The following SYNJ2 variants were observed in gnomAD, a reference collection of about 807,000 sequenced individuals.
The protein encoded by SYNJ2 is polyphosphatidylinositol phosphatase SYNJ2.
In SYNJ2, 116 loss-of-function variants were observed where a neutral mutation model predicts 141.3. The observed-to-expected ratio is 0.82, with a 90% CI of 0.71 to 0.96. The LOEUF (loss-of-function observed/expected upper bound fraction) is 0.96. Ranked by LOEUF, SYNJ2 falls within the 40% of genes least tolerant of loss-of-function variation. The probability of loss-of-function intolerance (pLI) is 0.00; values close to 1 mark genes in which losing one functional copy is unlikely to be tolerated. For missense variants in SYNJ2, 1,873 were observed against 1,934.8 expected, an observed-to-expected ratio of 0.97 and a Z score of 0.60; for synonymous variants, 745 against 777.7, an observed-to-expected ratio of 0.96 and a Z score of 0.70.
chr6:158,015,581 T>C (rs1440367986), intron 1 of SYNJ2, among the ~76,000 whole-genome samples: 2 of 152,342 alleles, frequency 1.3e-5, no homozygotes, highest in East Asian at 1.9e-4. Flanking sequence ...CTGTCACCAA[T>C]GTGGGTTAGC....
chr6:158,024,358 C>T (rs1419320251), intron 2 of SYNJ2, among the ~76,000 whole-genome samples: 1 of 152,154 alleles, frequency 6.6e-6, no homozygotes, highest in East Asian at 1.9e-4. Flanking sequence ...AAAGTTGAAC[C>T]CGGGAGACAG....
At position 158,069,683 on chromosome 6, in the gene SYNJ2, T is replaced by C; in HGVS notation, c.1940+10T>C. The C allele has an allele frequency of 6.2e-7, 1 of 1,605,582 alleles. No individual in the cohort carries two copies. The highest frequency in any genetic ancestry group is 1.7e-5 in the Admixed American group (1 of 59,516). On this transcript the variant is annotated intron_variant, in intron 14 of 26. Transcript: ENST00000355585. The stretch of plus-strand genomic sequence containing the variant: ...ATGTCCCGTTCATCAGGTAAGAACA[T>C]TCTGTTTACACACATCTGGGGAACA...
At chr6:158,006,079 G>T (rs1302077518) in intron 1 of SYNJ2, among the ~76,000 whole-genome samples, 1 of 152,100 alleles carries the variant, frequency 6.6e-6, no homozygotes, top group African/African-American at 2.4e-5. Flanking sequence ...CTCTCTCCTG[G>T]CTCATTTCTG....
intron 3 of SYNJ2, among the ~76,000 whole-genome samples, chr6:158,033,106 G>C (rs1168076070): frequency 6.6e-6 from 1 of 152,184 alleles, no homozygotes; most frequent in African/African-American, 2.4e-5. Flanking sequence ...GGCCCACAGG[G>C]CTAACCAGAG....
At chr6:158,090,288 G>A (rs1450264133) in intron 25 of SYNJ2, among the ~76,000 whole-genome samples, 2 of 152,286 alleles carry the variant, frequency 1.3e-5, no homozygotes, top group African/African-American at 4.8e-5. Context: ...CAGTTATAGT[G>A]TTTGTCCTAA....
rs1056965825 is a variant in SYNJ2, at chr6:158,093,761, T to C, written c.3744+657T>C. On this transcript the variant is annotated intron_variant, in intron 26 of 26. Transcript: ENST00000355585. The stretch of plus-strand genomic sequence containing the variant: ...CCGCCCATTTGCGTGTGGTCTGTGT[T>C]GTGTGCACATGGTTTCAAGGCATTA... 3 of 668,628 alleles carry C rather than the reference T, an allele frequency of 4.5e-6. No homozygotes were observed. The African/African-American group carries it at 5.3e-5, about 12-fold the overall frequency. 41.4% of individuals were successfully genotyped at this position (668,628 alleles called of 1,614,324 possible). A position where few individuals can be genotyped will look rare whatever the true frequency, so the allele number is the denominator to read the frequency against.
At chr6:158,014,892 G>A (rs1778392485) in intron 1 of SYNJ2, among the ~76,000 whole-genome samples, 1 of 152,206 alleles carries the variant, frequency 6.6e-6, no homozygotes, top group South Asian at 2.1e-4. Flanking sequence ...TCAGAGGGGA[G>A]GATGGGACTG....
chr6:158,073,281 T>A (rs1199815740), intron 15 of SYNJ2, among the ~76,000 whole-genome samples: 1 of 152,072 alleles, frequency 6.6e-6, no homozygotes, highest in African/African-American at 2.4e-5. Context: ...CACTGCAAAC[T>A]CCACCTCCCA....
chr6:157,986,783 T>A (rs1462784040), intron 1 of SYNJ2, among the ~76,000 whole-genome samples: 1 of 152,254 alleles, frequency 6.6e-6, no homozygotes, highest in African/African-American at 2.4e-5. Context: ...ATGAATCCCC[T>A]GTCTACCTGC....
rs1341218182 is a variant in SYNJ2, at chr6:158,071,886, C to T, written c.2133+92C>T. ...AGGAGCCAGGCACTGGGGACACAACCACAGGGAGGGCCCCTTCCTGGAGGG... is the reference window on the plus strand; with the variant it reads ...AGGAGCCAGGCACTGGGGACACAACTACAGGGAGGGCCCCTTCCTGGAGGG... On this transcript the variant is annotated intron_variant, in intron 15 of 26. Coordinates refer to ENST00000355585, the MANE Select transcript of SYNJ2 (RefSeq NM_003898.4). This position sits in a 1 kb window ranked among gnomAD's most constrained non-coding sequence, Gnocchi z 4.3. The T allele has an allele frequency of 2.8e-6, 4 of 1,425,260 alleles. No individual in the cohort carries two copies. Among genetic ancestry groups the T allele is most frequent in the African/African-American group, 2.8e-5 (2 of 70,570 alleles). 88.3% of individuals were successfully genotyped at this position (1,425,260 alleles called of 1,614,324 possible).
intron 3 of SYNJ2, among the ~76,000 whole-genome samples, chr6:158,033,013 T>A (rs1779448406): frequency 6.6e-6 from 1 of 152,270 alleles, no homozygotes; most frequent in Non-Finnish European, 1.5e-5. Flanking sequence ...TTAATATGAT[T>A]TTTAATCACT....
chr6:157,992,311 T>C (rs1360383494), intron 1 of SYNJ2, among the ~76,000 whole-genome samples: 3 of 152,036 alleles, frequency 2.0e-5, no homozygotes, highest in Non-Finnish European at 4.4e-5. Flanking sequence ...CATCCTTCTA[T>C]TCTCTATGTC....
At chr6:158,087,029 A>G in intron 23 of SYNJ2, 40 bp downstream of exon 23, 1 of 1,545,204 alleles carries the variant, frequency 6.5e-7, no homozygotes, top group Non-Finnish European at 8.7e-7. Context: ...GATGCCTGCC[A>G]GGAATAACCG....
intron 4 of SYNJ2, among the ~76,000 whole-genome samples, chr6:158,041,954 C>T (rs551461989): frequency 1.3e-5 from 2 of 152,362 alleles, no homozygotes; most frequent in African/African-American, 4.8e-5. Flanking sequence ...GGCTCAAGCC[C>T]GCCTCCCACC....
intron 1 of SYNJ2, among the ~76,000 whole-genome samples, chr6:158,013,707 G>A (rs1041465879): frequency 1.3e-5 from 2 of 152,186 alleles, no homozygotes; most frequent in Non-Finnish European, 2.9e-5. Context: ...TACCCGATGA[G>A]CCTTTTCCCA....
intron 4 of SYNJ2, among the ~76,000 whole-genome samples, chr6:158,034,901 C>G (rs1779558908): frequency 6.6e-6 from 1 of 152,178 alleles, no homozygotes; most frequent in Non-Finnish European, 1.5e-5. Context: ...CTGCATATGG[C>G]TAGCCAGTTA....
chr6:157,982,489 G>A lies in SYNJ2; in HGVS notation c.127+401G>A, dbSNP rs530589480. Among the ~76,000 whole-genome samples, 1 of 152,224 alleles carries A rather than the reference G, an allele frequency of 6.6e-6. No individual in the cohort carries two copies. Among genetic ancestry groups the A allele is most frequent in the Non-Finnish European group, 1.5e-5 (1 of 68,042 alleles). On this transcript the variant is annotated intron_variant, in intron 1 of 26. Coordinates refer to ENST00000355585, the MANE Select transcript of SYNJ2 (RefSeq NM_003898.4). The surrounding 1 kb of genome is among the most constrained non-coding windows in gnomAD (Gnocchi z 4.0). ...TGATTGCCCTTTGGTTTGTGTTGGCGGCTCCACTCCTGGAGGGGATGGGGA... is the reference window on the plus strand; with the variant it reads ...TGATTGCCCTTTGGTTTGTGTTGGCAGCTCCACTCCTGGAGGGGATGGGGA...
chr6:158,081,604 C>CTTT, intron 20 of SYNJ2, 94 bp downstream of exon 20: 1 of 219,732 alleles, frequency 4.6e-6, no homozygotes, highest in Non-Finnish European at 8.1e-6. Context: ...CTGACCTGTG[C>CTTT]CTTTTTTTTT....
rs139653672 is a variant in SYNJ2, at chr6:158,084,083, C to T, written c.3117C>T (p.Asp1039=). 8.7e-6 allele frequency: 14 copies of T among 1,614,150 alleles called. No individual in the cohort carries two copies. Among genetic ancestry groups the T allele is most frequent in the Non-Finnish European group, 1.1e-5 (13 of 1,180,008 alleles). The part of the protein sequence containing the change: ...PGVSDSELGG[D]DLSDVPGPTA... ...TCTCGGACAGTGAACTCGGGGGAGACGACCTCTCTGATGTCCCCGGCCCCA... is the reference window on the plus strand; with the variant it reads ...TCTCGGACAGTGAACTCGGGGGAGATGACCTCTCTGATGTCCCCGGCCCCA... Residue 1039 remains aspartate, a synonymous_variant, in exon 22 of 27, where the codon GAC becomes GAT. Coordinates refer to ENST00000355585, the MANE Select transcript of SYNJ2 (RefSeq NM_003898.4). This position sits in a 1 kb window ranked among gnomAD's most constrained non-coding sequence, Gnocchi z 5.0.
Sources: allele counts gnomAD v4.1 joint callset (sites outside exome capture counted in the v4.1 genomes callset), GRCh38; gene constraint gnomAD v4.1.1; non-coding constraint Gnocchi (gnomAD v3.1); transcripts MANE v1.5; gene names NCBI Gene and HGNC (gene_info 2026-07-23, HGNC 2026-07-21).